NBAS: variants seen among roughly 807,000 people sequenced by gnomAD.
NBAS encodes the protein NAG/BC035112 fusion.
NBAS carries 219 observed loss-of-function variants against 302.5 expected under a neutral mutation model. The ratio of observed to expected loss-of-function variants is 0.72; its 90% CI spans 0.65 to 0.81. The LOEUF (loss-of-function observed/expected upper bound fraction) is 0.81, where lower values mean the gene tolerates loss of function less well. NBAS is among the 30% of genes least tolerant of loss of function. The pLI is 0.00. For missense variants in NBAS, 2,932 were observed against 2,841.6 expected, an observed-to-expected ratio of 1.03 and a Z score of -0.72; for synonymous variants, 1,118 against 1,021.6, an observed-to-expected ratio of 1.09 and a Z score of -1.80.
Position 15,474,344 on chromosome 2 carries a change from T to G in NBAS, c.1342-20A>C. 1.2e-6 allele frequency: 2 copies of G among 1,600,284 alleles called. No individual in the cohort carries two copies. Among genetic ancestry groups the G allele is most frequent in the Non-Finnish European group, 1.7e-6 (2 of 1,171,618 alleles). On this transcript the variant is annotated intron_variant, in intron 14 of 51. Transcript: ENST00000281513. ...CTCACACTAAATTGAAAAAGGAGAT[T>G]TGAAGTTAATAGTAAGGAAATAAGA...
At chr2:15,481,592 CA>C in intron 12 of NBAS, among the ~76,000 whole-genome samples, 1 of 151,144 alleles carries the variant, frequency 6.6e-6, no homozygotes, top group African/African-American at 2.4e-5. Flanking sequence ...CACAATACCC[CA>C]AAGTATAACA....
At chr2:15,482,706 A>G (rs1019375924) in intron 12 of NBAS, among the ~76,000 whole-genome samples, 1 of 151,866 alleles carries the variant, frequency 6.6e-6, no homozygotes, top group African/African-American at 2.4e-5. Context: ...TTTTTTAAAC[A>G]AAGTCAGCTT....
chr2:14,949,300 C>T, the NBAS span, among the ~76,000 whole-genome samples: 1 of 152,180 alleles, frequency 6.6e-6, no homozygotes, highest in Middle Eastern at 3.4e-3. Context: ...AGTGAAAAGA[C>T]AATTCACATA....
intron 8 of NBAS, among the ~76,000 whole-genome samples, chr2:15,534,883 G>A (rs1184841977): frequency 6.6e-6 from 1 of 152,086 alleles, no homozygotes; most frequent in Non-Finnish European, 1.5e-5. Flanking sequence ...CCCACTTGAA[G>A]ATACTGACCC....
intron 29 of NBAS, among the ~76,000 whole-genome samples, chr2:15,381,350 T>C (rs1231241461): frequency 6.6e-6 from 1 of 152,168 alleles, no homozygotes; most frequent in Non-Finnish European, 1.5e-5. Context: ...TATTTAAATT[T>C]TAAGTTTGTC....
the NBAS span, among the ~76,000 whole-genome samples, chr2:14,906,086 G>A: frequency 1.3e-5 from 2 of 152,152 alleles, no homozygotes; most frequent in African/African-American, 2.4e-5. Context: ...CACTCCAGCA[G>A]TGGTAAGCAG....
the NBAS span, among the ~76,000 whole-genome samples, chr2:14,809,077 G>A: frequency 3.9e-5 from 6 of 152,308 alleles, no homozygotes; most frequent in East Asian, 1.2e-3. Context: ...TGATTTGGGT[G>A]CTGTTAAAGT....
chr2:15,147,713 C>T, the NBAS span, among the ~76,000 whole-genome samples: 2 of 152,170 alleles, frequency 1.3e-5, no homozygotes, highest in Admixed American at 6.5e-5. Flanking sequence ...TTCTGCTCAG[C>T]AAATGTGGCT....
chr2:15,214,006 T>C (rs541121540), intron 48 of NBAS, among the ~76,000 whole-genome samples: 1 of 152,248 alleles, frequency 6.6e-6, no homozygotes, highest in South Asian at 2.1e-4. Flanking sequence ...GGCAAACTAA[T>C]AAAAATAAAA....
intron 12 of NBAS, among the ~76,000 whole-genome samples, chr2:15,479,215 A>G (rs1336178838): frequency 1.3e-5 from 2 of 152,180 alleles, no homozygotes; most frequent in African/African-American, 4.8e-5. Context: ...AAACTTAATC[A>G]GAAAAAAAAT....
At chr2:15,427,930 G>A in intron 21 of NBAS, 136 bp from the exon 22 acceptor site, 1 of 700,468 alleles carries the variant, frequency 1.4e-6, no homozygotes, top group Non-Finnish European at 2.5e-6. Flanking sequence ...AAGTGGTACA[G>A]GATACATATT....
intron 40 of NBAS, among the ~76,000 whole-genome samples, chr2:15,295,841 T>C (rs917507465): frequency 3.3e-5 from 5 of 152,000 alleles, no homozygotes; most frequent in African/African-American, 4.8e-5. Flanking sequence ...TCAGTAGAGA[T>C]GCAGTCTGAA....
the NBAS span, among the ~76,000 whole-genome samples, chr2:14,850,225 T>C: frequency 7.6e-6 from 1 of 132,346 alleles, no homozygotes; most frequent in Non-Finnish European, 1.5e-5. Flanking sequence ...AATAAAAGGA[T>C]GGAGGAAGAT....
the NBAS span, among the ~76,000 whole-genome samples, chr2:14,838,636 A>T: frequency 6.6e-6 from 1 of 152,004 alleles, no homozygotes; most frequent in Non-Finnish European, 1.5e-5. Context: ...TGTATACCAG[A>T]GTTGAACAGA....
intron 50 of NBAS, among the ~76,000 whole-genome samples, chr2:15,185,353 C>T (rs1665026371): frequency 6.6e-6 from 1 of 152,214 alleles, no homozygotes; most frequent in South Asian, 2.1e-4. Flanking sequence ...TTAAACAATG[C>T]TTTCCTAACC....
intron 21 of NBAS, among the ~76,000 whole-genome samples, chr2:15,441,324 A>T (rs796939240): frequency 0.013 from 1,935 of 152,348 alleles, 32 homozygotes; most frequent in East Asian, 0.06. Context: ...GAAACTCTAC[A>T]AACCAGAAGA....
At chr2:15,335,174 T>TAAAAAAAA (rs34790746) in intron 35 of NBAS, among the ~76,000 whole-genome samples, 2 of 117,278 alleles carry the variant, frequency 1.7e-5, no homozygotes, top group African/African-American at 6.7e-5. Context: ...TCATCTCTCT[T>TAAAAAAAA]AAAAAAAAAA....
At chr2:15,403,640 T>A (rs553376193) in intron 25 of NBAS, among the ~76,000 whole-genome samples, 1 of 152,240 alleles carries the variant, frequency 6.6e-6, no homozygotes, top group East Asian at 1.9e-4. Flanking sequence ...TCCATGGATT[T>A]TGGTAGCCTG....
chr2:14,940,219 C>T, the NBAS span, among the ~76,000 whole-genome samples: 1 of 152,134 alleles, frequency 6.6e-6, no homozygotes, highest in Non-Finnish European at 1.5e-5. Flanking sequence ...CTCAAGCCTC[C>T]AATAGAAAGA....
Sources: allele counts gnomAD v4.1 joint callset (sites outside exome capture counted in the v4.1 genomes callset), GRCh38; gene constraint gnomAD v4.1.1; transcripts MANE v1.5; gene names NCBI Gene and HGNC (gene_info 2026-07-23, HGNC 2026-07-21).